The following CPN1 variants were observed in gnomAD, a reference collection of about 807,000 sequenced individuals.
CPN1 encodes carboxypeptidase N subunit 1.
A neutral mutation model predicts 46.4 loss-of-function variants in CPN1; 37 were observed. The ratio of observed to expected loss-of-function variants is 0.80; its 90% CI spans 0.61 to 1.05. The LOEUF is 1.05. Ranked by LOEUF, CPN1 falls within the 50% of genes least tolerant of loss-of-function variation. CPN1 has a pLI of 0.00. For missense variants in CPN1, 563 were observed against 602.6 expected (o/e 0.93, Z 0.69); for synonymous variants, 224 against 235.4 (o/e 0.95, Z 0.44).
At position 100,070,175 on chromosome 10, in the gene CPN1, A is replaced by G. The variant is rs183429648; in HGVS notation, c.421-306T>C. On this transcript the variant is annotated intron_variant, in intron 2 of 8. Coordinates refer to ENST00000370418, the MANE Select transcript of CPN1 (RefSeq NM_001308.3). ...ACTCCTGGGCTCAAGTGATCCACCC[A>G]CCTCGCCCTTCCAAAGTGCTGAGAG... is the stretch of plus-strand genomic sequence containing the variant. Among the ~76,000 whole-genome samples the G allele has an allele frequency of 8.0e-3, 1,215 of 151,514 alleles. 25 individuals carry two copies. Among genetic ancestry groups the G allele is most frequent in the East Asian group, 0.059 (293 of 4,990 alleles).
At chr10:100,077,844 A>G (rs978046715) in intron 1 of CPN1, among the ~76,000 whole-genome samples, 1 of 152,120 alleles carries the variant, frequency 6.6e-6, no homozygotes, top group Non-Finnish European at 1.5e-5. Flanking sequence ...ATCCTTATTC[A>G]GTAAAATAAA....
intron 7 of CPN1, among the ~76,000 whole-genome samples, chr10:100,053,018 G>A (rs975969345): frequency 3.3e-5 from 5 of 152,090 alleles, no homozygotes; most frequent in South Asian, 4.1e-4. Flanking sequence ...TGATTCCTAC[G>A]ACTCAGAAAC....
chr10:100,049,886 G>C lies in CPN1; in HGVS notation c.1112-1010C>G, dbSNP rs183656550. Among the ~76,000 whole-genome samples the C allele has an allele frequency of 6.2e-3, 949 of 152,304 alleles. 23 individuals carry two copies. Among genetic ancestry groups the C allele is most frequent in the Admixed American group, 0.054 (821 of 15,296 alleles). ...ACTCCCCTCCAGTAAAGGATCACTA[G>C]GAGAGAGGAAAGGTTGAAAGGTCTG... On this transcript the variant is annotated intron_variant, in intron 7 of 8. Transcript: ENST00000370418.
rs748410671 is a variant in CPN1, at chr10:100,073,610, C to CTT, written c.420+2299_420+2300dup. On this transcript the variant is annotated intron_variant, in intron 2 of 8. Coordinates refer to ENST00000370418, the MANE Select transcript of CPN1 (RefSeq NM_001308.3). The stretch of plus-strand genomic sequence containing the variant: ...CATTCACATTCCTTGGCTCTTCCAT[C>CTT]TTTTTTTTTTTTTTTTTTTTTTGAG... Among the ~76,000 whole-genome samples the CTT allele has an allele frequency of 6.5e-3, 800 of 122,282 alleles. 14 individuals carry two copies. The highest frequency in any genetic ancestry group is 0.019 in the African/African-American group (601 of 31,124). The allele number at this position is 122,282 out of a possible 152,430, so 80.2% of individuals were successfully genotyped here. A position where few individuals can be genotyped will look rare whatever the true frequency, so the allele number is the denominator to read the frequency against.
chr10:100,067,483 T>A lies in CPN1; in HGVS notation c.577-2113A>T, dbSNP rs550855090. Among the ~76,000 whole-genome samples, 3 of 152,316 alleles carry A rather than the reference T, an allele frequency of 2.0e-5. No homozygotes were observed. In the East Asian group the frequency reaches 5.8e-4, roughly 29 times the overall value. ...GATAGTTGCTGTTTGAAATCTAACA[T>A]GTCAGCATGGCTTTTGCTTCATTTT... is the stretch of plus-strand genomic sequence containing the variant. On this transcript the variant is annotated intron_variant, in intron 3 of 8. Coordinates refer to ENST00000370418, the MANE Select transcript of CPN1 (RefSeq NM_001308.3).
intron 5 of CPN1, among the ~76,000 whole-genome samples, chr10:100,057,670 T>G (rs569129544): frequency 1.3e-5 from 2 of 152,234 alleles, no homozygotes; most frequent in South Asian, 4.1e-4. Context: ...TTTCGTTCAT[T>G]TTGGTTCTCA....
chr10:100,071,045 T>C (rs1381331555), intron 2 of CPN1, among the ~76,000 whole-genome samples: 1 of 152,208 alleles, frequency 6.6e-6, no homozygotes, highest in Non-Finnish European at 1.5e-5. Context: ...ATCTGTTCTT[T>C]TGTGGGTTTT....
chr10:100,057,340 T>A (rs1040930500), intron 5 of CPN1, among the ~76,000 whole-genome samples, 188 bp from the exon 6 acceptor site: 7 of 152,222 alleles, frequency 4.6e-5, no homozygotes, highest in African/African-American at 1.7e-4. Flanking sequence ...TATGTACATA[T>A]TCATGGGGCA....
rs1439750248 is a variant in CPN1, at chr10:100,054,860, T to A, written c.1012-414A>T. ...TTCTTTCTTTTTTTTTTTTTTTTTT[T>A]AATTTTTTTTATTTGCTGTGACAGA... On this transcript the variant is annotated intron_variant, in intron 6 of 8. Coordinates refer to ENST00000370418, the MANE Select transcript of CPN1 (RefSeq NM_001308.3). 7.5e-4 allele frequency among the ~76,000 whole-genome samples: 95 copies of A among 126,740 alleles called. No homozygotes were observed. In the East Asian group the frequency reaches 7.9e-3, roughly 10 times the overall value. The allele number at this position is 126,740 out of a possible 152,430, so 83.1% of individuals were successfully genotyped here.
intron 1 of CPN1, among the ~76,000 whole-genome samples, chr10:100,077,526 C>T (rs565928440): frequency 4.0e-4 from 61 of 152,222 alleles, no homozygotes; most frequent in African/African-American, 1.3e-3. Context: ...CCATTGCACC[C>T]GGCTGGGTTT....
intron 6 of CPN1, among the ~76,000 whole-genome samples, chr10:100,055,776 G>A (rs1053746302): frequency 5.3e-5 from 8 of 151,986 alleles, no homozygotes; most frequent in East Asian, 3.9e-4. Flanking sequence ...CGCCCGCCTC[G>A]GCCTCCCAAA....
chr10:100,055,735 G>C (rs1381701351), intron 6 of CPN1, among the ~76,000 whole-genome samples: 1 of 152,100 alleles, frequency 6.6e-6, no homozygotes, highest in Non-Finnish European at 1.5e-5. Flanking sequence ...TGTTGGTCAG[G>C]CTGGTCTCAA....
At chr10:100,049,981 AATG>A (rs2041340227) in intron 7 of CPN1, among the ~76,000 whole-genome samples, 1 of 152,200 alleles carries the variant, frequency 6.6e-6, no homozygotes, top group East Asian at 1.9e-4. Context: ...ACTGTGAAGA[AATG>A]ATGTCTATCT....
At chr10:100,056,940 G>T in intron 6 of CPN1, 73 bp downstream of exon 6, 2 of 1,599,436 alleles carry the variant, frequency 1.3e-6, no homozygotes, top group Non-Finnish European at 1.7e-6. Context: ...ACCTGAACCA[G>T]TGAAACACCT....
intron 8 of CPN1, among the ~76,000 whole-genome samples, chr10:100,043,668 C>T (rs4295981): frequency 0.36 from 46,865 of 128,606 alleles, 7,540 homozygotes; most frequent in Middle Eastern, 0.45. Flanking sequence ...TTTTACTTTT[C>T]TTTTTTTTTT....
At chr10:100,051,691 C>A (rs2041355061) in intron 7 of CPN1, among the ~76,000 whole-genome samples, 1 of 151,608 alleles carries the variant, frequency 6.6e-6, no homozygotes, top group African/African-American at 2.4e-5. Context: ...CCATGCCTGG[C>A]TAATTTTTTG....
intron 5 of CPN1, among the ~76,000 whole-genome samples, chr10:100,058,148 C>T (rs1241132513): frequency 6.6e-6 from 1 of 152,134 alleles, no homozygotes; most frequent in Non-Finnish European, 1.5e-5. Flanking sequence ...ATAAATGCCC[C>T]TTTTGTCATC....
At chr10:100,046,227 T>A (rs918874163) in intron 8 of CPN1, among the ~76,000 whole-genome samples, 5 of 152,234 alleles carry the variant, frequency 3.3e-5, no homozygotes, top group African/African-American at 1.2e-4. Flanking sequence ...CTGGTGGCAG[T>A]CCTTGCCAGT....
Position 100,057,048 on chromosome 10 carries a change from C to T in CPN1, c.976G>A (p.Gly326Ser), listed in dbSNP as rs144627537. ...PEEELQREWL[G>S]NREALIQFLE... ...AACTGGATTAGGGCTTCCCGATTAC[C>T]CAGCCACTCCCGCTGTAACTCCTCT... The change falls in exon 6 of 9, where the codon GGT (glycine) becomes AGT (serine). Residue 326 changes from glycine (G) to serine (S), a missense_variant. Transcript: ENST00000370418. The T allele has an allele frequency of 5.4e-5, 87 of 1,614,134 alleles. No individual in the cohort carries two copies. Among genetic ancestry groups the T allele is most frequent in the Non-Finnish European group, 7.2e-5 (85 of 1,180,030 alleles).
Sources: allele counts gnomAD v4.1 joint callset (sites outside exome capture counted in the v4.1 genomes callset), GRCh38; gene constraint gnomAD v4.1.1; transcripts MANE v1.5; gene names NCBI Gene and HGNC (gene_info 2026-07-23, HGNC 2026-07-21).